The following CACNB2 variants were observed in gnomAD, a reference collection of about 807,000 sequenced individuals.
CACNB2 encodes the protein calcium voltage-gated channel auxiliary subunit beta 2, also known as voltage-dependent L-type calcium channel subunit beta-2.
Under a neutral mutation model 73.3 loss-of-function variants are expected in CACNB2, and 42 were observed. The observed-to-expected ratio is 0.57, with a 90% CI of 0.45 to 0.74. The LOEUF is 0.74. CACNB2 is among the 30% of genes least tolerant of loss of function. CACNB2 has a pLI of 0.00. For synonymous variants in CACNB2, 348 were observed against 310.3 expected (o/e 1.12, Z -1.28); for missense variants, 940 against 853.0 (o/e 1.10, Z -1.27).
At chr10:18,205,737 C>T (rs1277762) in intron 2 of CACNB2, among the ~76,000 whole-genome samples, 110,460 of 151,984 alleles carry the variant, frequency 0.73, 41,761 homozygotes, top group Non-Finnish European at 0.84. Context: ...TTCCAGCTTA[C>T]TGGAGTGGAG....
chr10:18,217,577 A>T (rs1035597890), intron 2 of CACNB2, among the ~76,000 whole-genome samples: 2 of 152,082 alleles, frequency 1.3e-5, no homozygotes, highest in Admixed American at 6.6e-5. Flanking sequence ...GGAGATGAGC[A>T]TAAGGGAAGT....
chr10:18,319,962 G>A (rs868321009), intron 2 of CACNB2, among the ~76,000 whole-genome samples: 60 of 152,120 alleles, frequency 3.9e-4, no homozygotes, highest in African/African-American at 1.2e-3. Context: ...ATAGCAGCAC[G>A]TGAGTCCAGA....
chr10:18,367,235 G>T (rs556252974), intron 2 of CACNB2, among the ~76,000 whole-genome samples: 1 of 151,482 alleles, frequency 6.6e-6, no homozygotes, highest in South Asian at 2.1e-4. Flanking sequence ...TTAGGGACTA[G>T]CACAAATGTT....
chr10:18,478,156 T>A (rs2048534715), intron 3 of CACNB2, among the ~76,000 whole-genome samples: 1 of 152,162 alleles, frequency 6.6e-6, no homozygotes, highest in South Asian at 2.1e-4. Flanking sequence ...GGTCTCAAAC[T>A]CCTGACCTAA....
rs1359675352 is a variant in CACNB2 at position 18,351,949 on chromosome 10, T to A, written c.214-49975T>A. Among the ~76,000 whole-genome samples the A allele has an allele frequency of 1.4e-4, 21 of 152,158 alleles. 1 individual carries two copies. Among genetic ancestry groups the A allele is most frequent in the Admixed American group, 1.4e-3 (21 of 15,272 alleles). ...AACACATATATAGACATAGAGAATTTCAAATGTTCTACACTCCTGCTGCTC... is the reference window on the plus strand; with the variant it reads ...AACACATATATAGACATAGAGAATTACAAATGTTCTACACTCCTGCTGCTC... On this transcript the variant is annotated intron_variant, in intron 2 of 13. Coordinates refer to ENST00000324631, the MANE Select transcript of CACNB2 (RefSeq NM_201596.3).
chr10:18,238,905 T>G (rs2036546517), intron 2 of CACNB2, among the ~76,000 whole-genome samples: 1 of 152,348 alleles, frequency 6.6e-6, no homozygotes, highest in South Asian at 2.1e-4. Flanking sequence ...CTGATTCGAT[T>G]ATTTCTAAAC....
intron 3 of CACNB2, among the ~76,000 whole-genome samples, chr10:18,415,622 G>A (rs865790138): frequency 1.3e-5 from 2 of 152,150 alleles, no homozygotes; most frequent in African/African-American, 2.4e-5. Flanking sequence ...CCCTCTGGAG[G>A]CAGAGCCTAC....
intron 2 of CACNB2, among the ~76,000 whole-genome samples, chr10:18,194,911 A>G (rs907418201): frequency 2.0e-5 from 3 of 152,206 alleles, no homozygotes; most frequent in Non-Finnish European, 4.4e-5. Flanking sequence ...AGTTTCTCAG[A>G]AGATTCATTT....
chr10:18,502,539 A>C (rs1456672756), intron 5 of CACNB2, among the ~76,000 whole-genome samples: 1 of 151,442 alleles, frequency 6.6e-6, no homozygotes, highest in Non-Finnish European at 1.5e-5. Flanking sequence ...AAAAAAAAAA[A>C]AATTAGCTGG....
At chr10:18,435,908 T>A (rs1301052167) in intron 3 of CACNB2, among the ~76,000 whole-genome samples, 1 of 152,200 alleles carries the variant, frequency 6.6e-6, no homozygotes, top group Non-Finnish European at 1.5e-5. Context: ...TACACAGAGC[T>A]CAACCAATTC....
chr10:18,241,756 A>G (rs55723463), intron 2 of CACNB2, among the ~76,000 whole-genome samples: 1 of 152,222 alleles, frequency 6.6e-6, no homozygotes, highest in Non-Finnish European at 1.5e-5. Flanking sequence ...ATTTATATCT[A>G]TATTTACTGA....
chr10:18,448,127 G>C (rs1052334115), intron 3 of CACNB2, among the ~76,000 whole-genome samples: 2 of 152,104 alleles, frequency 1.3e-5, no homozygotes, highest in African/African-American at 4.8e-5. Flanking sequence ...AAAGTACTGG[G>C]ATTATAGGGG....
chr10:18,493,532 C>T (rs966712715), intron 3 of CACNB2, among the ~76,000 whole-genome samples: 12 of 152,116 alleles, frequency 7.9e-5, no homozygotes, highest in Admixed American at 6.6e-5. Context: ...AACAATATCA[C>T]GGCAGTTATC....
intron 2 of CACNB2, among the ~76,000 whole-genome samples, chr10:18,286,215 C>T (rs532355722): frequency 6.6e-6 from 1 of 152,262 alleles, no homozygotes; most frequent in East Asian, 1.9e-4. Context: ...CCTAGACTCT[C>T]CCATTAACAT....
At chr10:18,509,568 G>A (rs895304291) in intron 6 of CACNB2, among the ~76,000 whole-genome samples, 1 of 152,190 alleles carries the variant, frequency 6.6e-6, no homozygotes, top group East Asian at 1.9e-4. Flanking sequence ...GGAGGCTGAG[G>A]CAGGAGGATC....
At chr10:18,231,213 G>T (rs1564362751) in intron 2 of CACNB2, among the ~76,000 whole-genome samples, 1 of 152,116 alleles carries the variant, frequency 6.6e-6, no homozygotes, top group Non-Finnish European at 1.5e-5. Context: ...GTTTTGCTCT[G>T]TTGCCCAGGC....
chr10:18,145,951 G>C (rs1223581644), intron 1 of CACNB2, among the ~76,000 whole-genome samples: 2 of 151,962 alleles, frequency 1.3e-5, no homozygotes, highest in Non-Finnish European at 2.9e-5. Context: ...CTGCTTCCTG[G>C]CCTCCTCCTT....
At chr10:18,336,728 C>T (rs1003581212) in intron 2 of CACNB2, among the ~76,000 whole-genome samples, 1 of 152,170 alleles carries the variant, frequency 6.6e-6, no homozygotes, top group Non-Finnish European at 1.5e-5. Context: ...AATTCATTTG[C>T]ATGTCTGTCA....
intron 3 of CACNB2, among the ~76,000 whole-genome samples, chr10:18,483,219 C>T (rs952877054): frequency 1.3e-5 from 2 of 151,616 alleles, no homozygotes; most frequent in African/African-American, 2.4e-5. Context: ...TCAGCTCAAT[C>T]ATTTTCGTTT....
Sources: gnomAD v4.1 joint callset for allele counts (sites outside exome capture counted in the v4.1 genomes callset) on GRCh38, gnomAD v4.1.1 for gene constraint, MANE v1.5 for transcripts, NCBI Gene and HGNC (gene_info 2026-07-23, HGNC 2026-07-21) for gene names.